NR2C2: variants seen among roughly 807,000 people sequenced by gnomAD.
The protein encoded by NR2C2 is Nuclear hormone receptor TR4.
NR2C2 carries 6 observed loss-of-function variants against 62.9 expected under a neutral mutation model. The observed-to-expected ratio is 0.10, with a 90% CI of 0.05 to 0.19. The LOEUF is 0.19. NR2C2 is among the 10% of genes least tolerant of loss of function. The pLI is 1.00. For synonymous variants in NR2C2, 272 were observed against 273.8 expected, an observed-to-expected ratio of 0.99 and a Z score of 0.07; for missense variants, 479 against 762.7, an observed-to-expected ratio of 0.63 and a Z score of 4.38.
At chr3:14,981,333 G>T (rs535887496) in intron 1 of NR2C2, among the ~76,000 whole-genome samples, 2 of 152,162 alleles carry the variant, frequency 1.3e-5, no homozygotes, top group African/African-American at 4.8e-5. Context: ...GCCGGGCGCG[G>T]TGCCTCACGC....
At chr3:14,975,202 T>TGTGG (rs2040170028) in intron 1 of NR2C2, among the ~76,000 whole-genome samples, 1 of 152,242 alleles carries the variant, frequency 6.6e-6, no homozygotes, top group African/African-American at 2.4e-5. Context: ...TTCTTTCCTC[T>TGTGG]ATGGATGCCT....
chr3:15,038,181 C>A, intron 12 of NR2C2, 44 bp downstream of exon 12: 1 of 1,555,374 alleles, frequency 6.4e-7, no homozygotes, highest in Non-Finnish European at 8.7e-7. Context: ...CCACCTGTAT[C>A]TACTGATGTT....
intron 1 of NR2C2, among the ~76,000 whole-genome samples, chr3:14,965,522 CAAAAAAAAAA>C (rs545143806): frequency 0.071 from 5,692 of 79,976 alleles, 415 homozygotes; most frequent in African/African-American, 0.21. Context: ...TTTCCCATGG[CAAAAAAAAAA>C]AAAAAAAAAA....
At chr3:15,020,024 C>T (rs574139824) in intron 4 of NR2C2, among the ~76,000 whole-genome samples, 1 of 152,126 alleles carries the variant, frequency 6.6e-6, no homozygotes, top group Non-Finnish European at 1.5e-5. Context: ...TAAATATGGA[C>T]ATGGACAATT....
In NR2C2 at chr3:15,034,745, G is replaced by A. The variant is rs1219076641; in HGVS notation, c.1308G>A (p.Gln436=). The part of the protein sequence containing the change: ...LFTLGLAQCA[Q]VMSLSTILAA... ...CCCTCGGCCTGGCCCAGTGTGCCCA[G>A]GTCATGAGTCTCTCCACCATCCTGG... Residue 436 remains glutamine, a synonymous_variant, in exon 11 of 14, where the codon CAG becomes CAA. Transcript: ENST00000425241. The A allele has an allele frequency of 1.9e-6, 3 of 1,614,036 alleles. No homozygotes were observed. The highest frequency in any genetic ancestry group is 3.3e-4 in the Middle Eastern group (2 of 6,084).
chr3:15,001,748 C>T (rs2041010300), intron 1 of NR2C2, among the ~76,000 whole-genome samples: 1 of 152,010 alleles, frequency 6.6e-6, no homozygotes, highest in South Asian at 2.1e-4. Context: ...TACTGAGTAC[C>T]CGGGACTTAC....
chr3:14,980,985 C>G (rs115559955), intron 1 of NR2C2, among the ~76,000 whole-genome samples: 31 of 152,300 alleles, frequency 2.0e-4, no homozygotes, highest in African/African-American at 7.0e-4. Flanking sequence ...GAATTGGGAG[C>G]TATCACCTGT....
intron 1 of NR2C2, among the ~76,000 whole-genome samples, chr3:14,955,166 A>G (rs2039486154): frequency 6.6e-6 from 1 of 152,112 alleles, no homozygotes; most frequent in South Asian, 2.1e-4. Flanking sequence ...GTTGTAGTTA[A>G]GTAAAAAGTT....
rs2042524302 is a variant in NR2C2, at chr3:15,048,198, G to A, written c.*5190G>A. On this transcript the variant is annotated 3_prime_UTR_variant, in exon 14 of 14. Transcript: ENST00000425241. Reference sequence around the variant, plus strand: ...GAGACAGTGGGTCATTTAGCCTTCAGCTTCCCTGTTTTTGATGTAGAGAAA... The same window carrying A: ...GAGACAGTGGGTCATTTAGCCTTCAACTTCCCTGTTTTTGATGTAGAGAAA... 1 of 152,654 alleles carries A rather than the reference G, an allele frequency of 6.6e-6. No individual in the cohort carries two copies. Among genetic ancestry groups the A allele is most frequent in the African/African-American group, 2.4e-5 (1 of 41,440 alleles). The allele number at this position is 152,654 out of a possible 1,614,324, so 9.5% of individuals were successfully genotyped here.
intron 1 of NR2C2, among the ~76,000 whole-genome samples, chr3:14,976,943 A>G (rs1342795347): frequency 6.6e-6 from 1 of 151,976 alleles, no homozygotes; most frequent in Non-Finnish European, 1.5e-5. Context: ...ATATACAGTC[A>G]TGTCCTGTAG....
At chr3:14,970,251 C>CT (rs1022690617) in intron 1 of NR2C2, among the ~76,000 whole-genome samples, 14 of 99,576 alleles carry the variant, frequency 1.4e-4, no homozygotes, top group African/African-American at 5.5e-4. Context: ...TAGATACTGT[C>CT]TTTTTTGGGG....
intron 11 of NR2C2, among the ~76,000 whole-genome samples, chr3:15,035,773 T>TC (rs2042087346): frequency 6.6e-6 from 1 of 152,220 alleles, no homozygotes; most frequent in Non-Finnish European, 1.5e-5. Flanking sequence ...ACGCCTATAA[T>TC]CCCAGCACTT....
intron 1 of NR2C2, among the ~76,000 whole-genome samples, chr3:14,976,687 C>T (rs1232629462): frequency 7.5e-6 from 1 of 132,552 alleles, no homozygotes; most frequent in African/African-American, 2.9e-5. Context: ...TTTCAAAAAT[C>T]TTATATGTCT....
intron 9 of NR2C2, among the ~76,000 whole-genome samples, chr3:15,030,968 A>G (rs1196940618): frequency 6.6e-6 from 1 of 152,216 alleles, no homozygotes; most frequent in Non-Finnish European, 1.5e-5. Flanking sequence ...TTTTGCTCAC[A>G]GTGCCATTTG....
At chr3:14,966,859 C>T (rs1214298694) in intron 1 of NR2C2, among the ~76,000 whole-genome samples, 3 of 151,512 alleles carry the variant, frequency 2.0e-5, no homozygotes, top group Non-Finnish European at 4.4e-5. Context: ...AGCCAGATTG[C>T]CTAGATTTAA....
At chr3:14,964,365 A>G (rs1435960980) in intron 1 of NR2C2, among the ~76,000 whole-genome samples, 3 of 152,206 alleles carry the variant, frequency 2.0e-5, no homozygotes, top group South Asian at 4.1e-4. Flanking sequence ...AATAATTGCA[A>G]AGCAAAAATT....
intron 1 of NR2C2, among the ~76,000 whole-genome samples, chr3:14,958,394 A>G (rs1006201891): frequency 5.9e-5 from 9 of 151,786 alleles, no homozygotes; most frequent in African/African-American, 2.2e-4. Context: ...GCAGCTAATC[A>G]GGTTCTTTCC....
chr3:15,028,753 C>T (rs1488081093), intron 8 of NR2C2, 34 bp downstream of exon 8: 2 of 1,603,138 alleles, frequency 1.2e-6, no homozygotes, highest in African/African-American at 1.3e-5. Flanking sequence ...CTCCCCTCCT[C>T]GCCTGGACAC....
intron 1 of NR2C2, among the ~76,000 whole-genome samples, chr3:14,963,221 T>C (rs139327968): frequency 1.4e-4 from 21 of 152,344 alleles, no homozygotes; most frequent in African/African-American, 4.6e-4. Context: ...TTGCATACTT[T>C]GGGCATTCAT....
Sources: allele counts gnomAD v4.1 joint callset (sites outside exome capture counted in the v4.1 genomes callset), GRCh38; gene constraint gnomAD v4.1.1; transcripts MANE v1.5; gene names NCBI Gene and HGNC (gene_info 2026-07-23, HGNC 2026-07-21).